Variants in PLB1 observed in about 807,000 individuals in gnomAD.
The protein encoded by PLB1 is phospholipase B1.
A neutral mutation model predicts 227.4 loss-of-function variants in PLB1; 242 were observed. The observed-to-expected ratio is 1.06, with a 90% CI of 0.96 to 1.18. PLB1 has a LOEUF of 1.18. Among genes scored for constraint, PLB1 ranks in the 50% most tolerant of loss-of-function variants. The pLI, the probability that PLB1 is intolerant of heterozygous loss-of-function variation, is 0.00. For synonymous variants in PLB1, 757 were observed against 682.2 expected (o/e 1.11, Z -1.71); for missense variants, 1,858 against 1,816.3 (o/e 1.02, Z -0.42).
In PLB1 at chr2:28,593,664, C is replaced by A. The variant is rs372744901; in HGVS notation, c.2248-17C>A. On this transcript the variant is annotated splice_polypyrimidine_tract_variant and intron_variant, in intron 32 of 57. Coordinates refer to ENST00000327757, the MANE Select transcript of PLB1 (RefSeq NM_153021.5). ...TGACTTGCTAATTTTCCTATGGACT[C>A]TGGTATATTTTCAAAGGCTGGCAAT... 2 of 1,612,572 alleles carry A rather than the reference C, an allele frequency of 1.2e-6. No homozygotes were observed. Among genetic ancestry groups the A allele is most frequent in the African/African-American group, 2.7e-5 (2 of 75,020 alleles).
intron 25 of PLB1, among the ~76,000 whole-genome samples, chr2:28,584,968 C>G (rs1680663179): frequency 6.6e-6 from 1 of 152,198 alleles, no homozygotes. Flanking sequence ...TTCCTCATCT[C>G]TAAAACAGGG....
chr2:28,557,032 G>A (rs1675250308), intron 17 of PLB1, among the ~76,000 whole-genome samples: 1 of 151,938 alleles, frequency 6.6e-6, no homozygotes, highest in South Asian at 2.1e-4. Flanking sequence ...GGCCGTCTCT[G>A]TGGTCACCAC....
chr2:28,612,240 A>G (rs924406609), intron 43 of PLB1, among the ~76,000 whole-genome samples: 4 of 152,186 alleles, frequency 2.6e-5, no homozygotes, highest in Non-Finnish European at 5.9e-5. Context: ...TGCCTCAGGG[A>G]ACCAGTATCT....
At chr2:28,571,695 A>C (rs1678036788) in intron 20 of PLB1, among the ~76,000 whole-genome samples, 1 of 152,198 alleles carries the variant, frequency 6.6e-6, no homozygotes, top group Non-Finnish European at 1.5e-5. Flanking sequence ...TGGGGGAAAG[A>C]ATCGTCTTTT....
chr2:28,590,856 G>C (rs531070335), intron 29 of PLB1, among the ~76,000 whole-genome samples: 3 of 152,286 alleles, frequency 2.0e-5, no homozygotes, highest in African/African-American at 7.2e-5. Context: ...TGGAGAAAGA[G>C]AGGCAGCACA....
rs370949741 is a variant in PLB1 at position 28,623,629 on chromosome 2, TACCGTGGCC to T, written c.3528-1424_3528-1416del. ...TGTGTGTTTGGCCACGTACCTAGCT[TACCGTGGCC>T]ACCCAAAGATTTTCAGTGGCCAGCT... On this transcript the variant is annotated intron_variant, in intron 49 of 57. Coordinates refer to ENST00000327757, the MANE Select transcript of PLB1 (RefSeq NM_153021.5). Among the ~76,000 whole-genome samples the T allele has an allele frequency of 4.0e-3, 606 of 152,268 alleles. 4 individuals carry two copies. Among genetic ancestry groups the T allele is most frequent in the African/African-American group, 0.014 (566 of 41,566 alleles).
chr2:28,540,239 T>G, intron 11 of PLB1, 127 bp from the exon 12 acceptor site: 1 of 730,512 alleles, frequency 1.4e-6, no homozygotes, highest in South Asian at 1.6e-5. Flanking sequence ...CTAAGACTTA[T>G]GCTTCTTCAT....
At chr2:28,573,369 C>T (rs1678351236) in intron 21 of PLB1, 64 bp downstream of exon 21, 2 of 1,286,086 alleles carry the variant, frequency 1.6e-6, no homozygotes, top group African/African-American at 1.5e-5. Flanking sequence ...GTGGGCTTGG[C>T]CTAAACTGGG....
At chr2:28,518,333 A>G in intron 2 of PLB1, 133 bp from the exon 3 acceptor site, 1 of 704,792 alleles carries the variant, frequency 1.4e-6, no homozygotes, top group Admixed American at 2.1e-5. Context: ...GAAAATGACT[A>G]TGGGCAATTG....
At chr2:28,497,493 C>T (rs989944208) in intron 1 of PLB1, among the ~76,000 whole-genome samples, 3 of 152,142 alleles carry the variant, frequency 2.0e-5, no homozygotes, top group Admixed American at 1.3e-4. Flanking sequence ...ACTAGAGGCA[C>T]GGCATCTGAA....
chr2:28,574,384 C>CTTTTTTTTT (rs70956023), intron 21 of PLB1, among the ~76,000 whole-genome samples: 9 of 73,988 alleles, frequency 1.2e-4, no homozygotes, highest in Admixed American at 6.1e-4. Flanking sequence ...TTATATCATT[C>CTTTTTTTTT]TTTTTTTTTT....
chr2:28,604,533 G>A, intron 40 of PLB1, 122 bp from the exon 41 acceptor site: 2 of 671,938 alleles, frequency 3.0e-6, no homozygotes, highest in Non-Finnish European at 2.5e-6. Context: ...GTGTTCTCAA[G>A]GGAAAGGCTG....
intron 26 of PLB1, among the ~76,000 whole-genome samples, chr2:28,586,445 T>A (rs934271319): frequency 2.0e-5 from 3 of 152,214 alleles, no homozygotes; most frequent in African/African-American, 7.2e-5. Flanking sequence ...GCTGACTCCC[T>A]TAACAATCGA....
rs114003012 is a variant in PLB1, at chr2:28,613,816, C to T, written c.3130-215C>T. Among the ~76,000 whole-genome samples the T allele has an allele frequency of 4.6e-3, 706 of 152,288 alleles. 6 individuals carry two copies. Among genetic ancestry groups the T allele is most frequent in the African/African-American group, 0.016 (671 of 41,568 alleles). Reference sequence around the variant, plus strand: ...ACCCCAGACTACAATGGGTATGAAACCCTCTGCACGCCTTTTGTTGTCCAT... The same window carrying T: ...ACCCCAGACTACAATGGGTATGAAATCCTCTGCACGCCTTTTGTTGTCCAT... On this transcript the variant is annotated intron_variant, in intron 43 of 57. Coordinates refer to ENST00000327757, the MANE Select transcript of PLB1 (RefSeq NM_153021.5).
chr2:28,525,824 A>G (rs753533784), intron 5 of PLB1, 81 bp from the exon 6 acceptor site: 6 of 1,548,346 alleles, frequency 3.9e-6, no homozygotes, highest in Non-Finnish European at 5.3e-6. Context: ...CTACTATGAA[A>G]TAGACCACAG....
chr2:28,593,936 C>T (rs1177729452), intron 33 of PLB1, 182 bp downstream of exon 33: 5 of 714,400 alleles, frequency 7.0e-6, no homozygotes, highest in Non-Finnish European at 1.3e-5. Flanking sequence ...GGATATTTTA[C>T]TGTTGATAAT....
At chr2:28,571,571 G>A (rs1314083592) in intron 20 of PLB1, among the ~76,000 whole-genome samples, 1 of 53,626 alleles carries the variant, frequency 1.9e-5, no homozygotes, top group Non-Finnish European at 5.0e-5. Context: ...TAGTAATCAA[G>A]ACGTGGTACT....
At chr2:28,590,200 T>C in intron 29 of PLB1, 124 bp downstream of exon 29, 2 of 832,322 alleles carry the variant, frequency 2.4e-6, no homozygotes, top group Non-Finnish European at 4.0e-6. Flanking sequence ...ACTCCAGGGT[T>C]AACTGCCCCA....
At chr2:28,549,139 T>A (rs770584044) in intron 15 of PLB1, among the ~76,000 whole-genome samples, 3 of 152,158 alleles carry the variant, frequency 2.0e-5, no homozygotes, top group Non-Finnish European at 4.4e-5. Context: ...TGCAGCCCCC[T>A]CCATGCCTGT....
Sources: gnomAD v4.1 joint callset for allele counts (sites outside exome capture counted in the v4.1 genomes callset) on GRCh38, gnomAD v4.1.1 for gene constraint, MANE v1.5 for transcripts, NCBI Gene and HGNC (gene_info 2026-07-23, HGNC 2026-07-21) for gene names.